The following VWA3B variants were observed in gnomAD, a reference collection of about 807,000 sequenced individuals.
VWA3B encodes von Willebrand factor A domain containing 3B.
In VWA3B, 138 loss-of-function variants were observed where a neutral mutation model predicts 158.3. That is an observed-to-expected ratio of 0.87 (90% CI 0.76 to 1.00). The LOEUF (loss-of-function observed/expected upper bound fraction) is 1.00. Ranked by LOEUF, VWA3B falls within the 50% of genes least tolerant of loss-of-function variation. VWA3B has a pLI of 0.00. For synonymous variants in VWA3B, 596 were observed against 587.3 expected (o/e 1.01, Z -0.21); for missense variants, 1,555 against 1,565.1 (o/e 0.99, Z 0.11).
At chr2:98,181,516 GC>G (rs1261561611) in intron 9 of VWA3B, among the ~76,000 whole-genome samples, 2 of 152,184 alleles carry the variant, frequency 1.3e-5, no homozygotes, top group Admixed American at 1.3e-4. Context: ...AAATAGAGAA[GC>G]CCTTTGTTCC....
At chr2:98,214,965 C>T (rs906325342) in intron 13 of VWA3B, among the ~76,000 whole-genome samples, 5 of 152,134 alleles carry the variant, frequency 3.3e-5, no homozygotes, top group African/African-American at 7.2e-5. Context: ...GCAACATTCC[C>T]GCAAGCAGGG....
chr2:98,222,005 G>T (rs1574122316), intron 14 of VWA3B, among the ~76,000 whole-genome samples: 1 of 152,148 alleles, frequency 6.6e-6, no homozygotes, highest in Non-Finnish European at 1.5e-5. Flanking sequence ...GTTAGTAATG[G>T]GAAGCCTCAC....
At chr2:98,262,996 A>C (rs1302145123) in intron 21 of VWA3B, among the ~76,000 whole-genome samples, 1 of 151,840 alleles carries the variant, frequency 6.6e-6, no homozygotes. Flanking sequence ...CAAGTCTCTC[A>C]CTTCCTTAAA....
At chr2:98,276,467 G>A (rs1471205420) in intron 22 of VWA3B, among the ~76,000 whole-genome samples, 1 of 152,184 alleles carries the variant, frequency 6.6e-6, no homozygotes, top group African/African-American at 2.4e-5. Flanking sequence ...AGCTTTTGAT[G>A]GATGAGTATA....
At chr2:98,157,565 T>C (rs1303823438) in intron 7 of VWA3B, among the ~76,000 whole-genome samples, 1 of 152,238 alleles carries the variant, frequency 6.6e-6, no homozygotes, top group East Asian at 1.9e-4. Context: ...TCTGGGAATG[T>C]TTAGCACCTC....
chr2:98,135,874 C>T (rs1165327809), intron 7 of VWA3B, among the ~76,000 whole-genome samples: 2 of 152,206 alleles, frequency 1.3e-5, no homozygotes, highest in African/African-American at 4.8e-5. Context: ...TCACCTGGGC[C>T]TCAGAGGCAG....
intron 22 of VWA3B, among the ~76,000 whole-genome samples, chr2:98,287,129 A>T (rs1043578051): frequency 2.8e-4 from 42 of 152,222 alleles, no homozygotes; most frequent in South Asian, 8.3e-4. Context: ...AAATTTTTGT[A>T]TTCTTTCTGA....
In VWA3B at chr2:98,228,253, C is replaced by G. The variant is rs1558699703; in HGVS notation, c.2071C>G (p.Leu691Val). The change falls in exon 15 of 28, where the codon CTG (leucine) becomes GTG (valine). Residue 691 changes from leucine (L) to valine (V), a missense_variant. Transcript: ENST00000477737. ...GGAAATGGAACAGGGTCACAGTGAT[C>G]TGGAGAAGATGCAAGACCTTTATTC... ...VKEMEQGHSD[L>V]EKMQDLYSES... is the part of the protein sequence containing the mutation. 1 of 1,613,966 alleles carries G rather than the reference C, an allele frequency of 6.2e-7. No homozygotes were observed. Among genetic ancestry groups the G allele is most frequent in the Non-Finnish European group, 8.5e-7 (1 of 1,180,002 alleles).
chr2:98,246,373 T>A (rs1456390288), intron 19 of VWA3B, among the ~76,000 whole-genome samples: 1 of 151,976 alleles, frequency 6.6e-6, no homozygotes, highest in African/African-American at 2.4e-5. Context: ...TTTTAATTTT[T>A]ATTTATTTAT....
At chr2:98,112,839 T>C (rs949037694) in intron 2 of VWA3B, among the ~76,000 whole-genome samples, 21 of 152,102 alleles carry the variant, frequency 1.4e-4, no homozygotes, top group Non-Finnish European at 2.9e-5. Flanking sequence ...ATTTTGTCAA[T>C]ATTTTTTTTC....
the VWA3B span, among the ~76,000 whole-genome samples, chr2:98,325,373 T>C: frequency 0.61 from 92,809 of 152,056 alleles, 28,670 homozygotes; most frequent in Non-Finnish European, 0.65. Context: ...AGTGGGACAA[T>C]ATCATTAAAG....
At chr2:98,212,662 G>A (rs1356127673) in intron 13 of VWA3B, among the ~76,000 whole-genome samples, 2 of 152,238 alleles carry the variant, frequency 1.3e-5, no homozygotes, top group Non-Finnish European at 2.9e-5. Context: ...TTCCTTGTGA[G>A]ATGGTTTGCA....
At chr2:98,232,071 ATTC>A (rs1202661245) in intron 16 of VWA3B, among the ~76,000 whole-genome samples, 3 of 152,128 alleles carry the variant, frequency 2.0e-5, no homozygotes, top group Non-Finnish European at 4.4e-5. Context: ...AATTCATGTA[ATTC>A]TTCTTTGAAT....
chr2:98,316,904 C>T (rs2106038823), downstream of VWA3B, among the ~76,000 whole-genome samples: 1 of 152,238 alleles, frequency 6.6e-6, no homozygotes, highest in African/African-American at 2.4e-5. Context: ...CTGAGGCCTC[C>T]CCAGAAGCAG....
chr2:98,249,208 T>A (rs1440999727), intron 19 of VWA3B, among the ~76,000 whole-genome samples: 1 of 152,108 alleles, frequency 6.6e-6, no homozygotes, highest in African/African-American at 2.4e-5. Flanking sequence ...TTTGGGAACA[T>A]GCGTTTATTC....
intron 7 of VWA3B, among the ~76,000 whole-genome samples, chr2:98,153,982 C>T (rs1336610573): frequency 6.6e-6 from 1 of 152,174 alleles, no homozygotes; most frequent in Non-Finnish European, 1.5e-5. Context: ...CTGCCTCAGC[C>T]TCCGGAGTAG....
In VWA3B at chr2:98,100,495, C is replaced by T. The variant is rs189388302; in HGVS notation, c.196+7207C>T. ...ACAGAGGCACAACTAAAGCCCATGG[C>T]GGCTGAGGCCTGCCTGTCACTGTGG... On this transcript the variant is annotated intron_variant, in intron 2 of 27. Coordinates refer to ENST00000477737, the MANE Select transcript of VWA3B (RefSeq NM_144992.5). Among the ~76,000 whole-genome samples the T allele has an allele frequency of 3.1e-3, 471 of 152,338 alleles. 5 individuals are homozygous for T. Among genetic ancestry groups the T allele is most frequent in the African/African-American group, 0.011 (442 of 41,568 alleles).
chr2:98,217,005 G>C, intron 13 of VWA3B: 1 of 1,251,554 alleles, frequency 8.0e-7, no homozygotes, highest in Non-Finnish European at 1.0e-6. Flanking sequence ...CCAGTCTCAG[G>C]TGGTCCCTTC....
chr2:98,119,785 G>T (rs1307450022), intron 4 of VWA3B, 22 bp downstream of exon 4: 5 of 1,609,542 alleles, frequency 3.1e-6, no homozygotes, highest in Non-Finnish European at 4.2e-6. Context: ...TAGGAAGGGA[G>T]TATTTTAGTG....
Sources: gnomAD v4.1 joint callset for allele counts (sites outside exome capture counted in the v4.1 genomes callset) on GRCh38, gnomAD v4.1.1 for gene constraint, MANE v1.5 for transcripts, NCBI Gene and HGNC (gene_info 2026-07-23, HGNC 2026-07-21) for gene names.